BFAR: variants seen among roughly 807,000 people sequenced by gnomAD.
The protein encoded by BFAR is RING finger protein 47.
Under a neutral mutation model 54.4 loss-of-function variants are expected in BFAR, and 52 were observed. The observed-to-expected ratio is 0.96, with a 90% CI of 0.77 to 1.21. BFAR has a LOEUF of 1.21. BFAR is among the 50% of genes most tolerant of loss of function. The pLI is 0.00. For missense variants in BFAR, 571 were observed against 534.0 expected, an observed-to-expected ratio of 1.07 and a Z score of -0.68; for synonymous variants, 215 against 204.3, an observed-to-expected ratio of 1.05 and a Z score of -0.45.
intron 1 of BFAR, among the ~76,000 whole-genome samples, chr16:14,640,402 C>T (rs545655911): frequency 5.9e-5 from 9 of 152,000 alleles, no homozygotes; most frequent in African/African-American, 1.9e-4. Flanking sequence ...TTCCTCTGCT[C>T]GAGCTGATCT....
At chr16:14,665,414 A>C (rs1960415175) in intron 7 of BFAR, among the ~76,000 whole-genome samples, 1 of 152,212 alleles carries the variant, frequency 6.6e-6, no homozygotes, top group African/African-American at 2.4e-5. Flanking sequence ...GGCCTGTGCA[A>C]ACCTATCCCC....
chr16:14,649,665 T>C, intron 3 of BFAR, 139 bp from the exon 4 acceptor site: 1 of 699,778 alleles, frequency 1.4e-6, no homozygotes, highest in Non-Finnish European at 2.2e-6. Flanking sequence ...GCCCTGCTTT[T>C]GTTGCCCTGC....
At chr16:14,650,393 G>A (rs562513512) in intron 4 of BFAR, 1 of 154,274 alleles carries the variant, frequency 6.5e-6, no homozygotes, top group Non-Finnish European at 1.4e-5. Flanking sequence ...ACAATCCATG[G>A]TTTTTAATGT....
chr16:14,640,196 G>C lies in BFAR; in HGVS notation c.-73-4078G>C, dbSNP rs2151835372. Among the ~76,000 whole-genome samples the C allele has an allele frequency of 2.6e-5, 4 of 151,852 alleles. No homozygotes were observed. In the South Asian group the frequency reaches 8.3e-4, roughly 32 times the overall value. ...AGAGAGAGAGAGAGGAAAGCTCGAA[G>C]CTGACAGAACTCCAAAAGCTAACTA... On this transcript the variant is annotated intron_variant, in intron 1 of 7. Coordinates refer to ENST00000261658, the MANE Select transcript of BFAR (RefSeq NM_016561.3).
chr16:14,654,952 G>A (rs1280046316), intron 4 of BFAR, 114 bp from the exon 5 acceptor site: 17 of 1,118,388 alleles, frequency 1.5e-5, no homozygotes, highest in Non-Finnish European at 2.0e-5. Flanking sequence ...AATGTGAAAT[G>A]TCTCACCATA....
intron 1 of BFAR, among the ~76,000 whole-genome samples, chr16:14,640,868 A>G (rs114071108): frequency 9.0e-4 from 137 of 152,268 alleles, no homozygotes; most frequent in African/African-American, 2.9e-3. Context: ...ACCATACACA[A>G]ACGCAAGCGT....
intron 4 of BFAR, chr16:14,650,209 A>G (rs1184582632): frequency 5.6e-6 from 2 of 357,776 alleles, no homozygotes; most frequent in Non-Finnish European, 1.0e-5. Context: ...CACACCTTGT[A>G]ATCCCATCTA....
At chr16:14,664,454 G>A (rs1960381999) in intron 6 of BFAR, among the ~76,000 whole-genome samples, 2 of 150,328 alleles carry the variant, frequency 1.3e-5, no homozygotes, top group Admixed American at 6.7e-5. Context: ...ATTTTAGATT[G>A]TTGGATGTGT....
chr16:14,635,654 A>G (rs1959409737), intron 1 of BFAR, among the ~76,000 whole-genome samples: 1 of 152,144 alleles, frequency 6.6e-6, no homozygotes, highest in Non-Finnish European at 1.5e-5. Context: ...TAGAGGAGCT[A>G]GTCACCTTTG....
rs909972805 is a variant in BFAR, at chr16:14,656,759, C to T, written c.783+1549C>T. ...GAACAAGTTGAATAAACAAGGCACA[C>T]CCATGTAGGCAGCCACCGGAAAAGG... On this transcript the variant is annotated intron_variant, in intron 5 of 7. Transcript: ENST00000261658. 4.6e-5 allele frequency among the ~76,000 whole-genome samples: 7 copies of T among 152,164 alleles called. No individual in the cohort carries two copies. The South Asian group carries it at 1.5e-3, about 32-fold the overall frequency.
rs746034365 is a variant in BFAR, at chr16:14,644,655, G to A, written c.263+46G>A. 3.0e-5 allele frequency: 47 copies of A among 1,552,136 alleles called. No individual in the cohort carries two copies. In the East Asian group the frequency reaches 1.0e-3, roughly 33 times the overall value. On this transcript the variant is annotated intron_variant, in intron 2 of 7. Transcript: ENST00000261658. ...GTAGCACAAACAGCCCATAAAATGT[G>A]GTTTCTCTCTTGCTTTTTTTTTTTT...
intron 5 of BFAR, among the ~76,000 whole-genome samples, chr16:14,657,139 G>T (rs1244755169): frequency 2.0e-5 from 3 of 152,052 alleles, no homozygotes; most frequent in Non-Finnish European, 4.4e-5. Context: ...TCTGTAATAT[G>T]TGCGTGTATT....
chr16:14,655,145 C>T lies in BFAR; in HGVS notation c.718C>T (p.Leu240Phe). ...IENSSHRRAI[L>F]MELERVKALG... ...AAACAGCAGCCACAGGAGAGCCATCCTCATGGAGCTAGAACGTGTCAAAGC... is the reference window on the plus strand; with the variant it reads ...AAACAGCAGCCACAGGAGAGCCATCTTCATGGAGCTAGAACGTGTCAAAGC... The change falls in exon 5 of 8, where the codon CTC (leucine) becomes TTC (phenylalanine). Residue 240 changes from leucine to phenylalanine, a missense_variant. Transcript: ENST00000261658. 1 of 1,612,168 alleles carries T rather than the reference C, an allele frequency of 6.2e-7. No individual in the cohort carries two copies. The highest frequency in any genetic ancestry group is 1.3e-5 in the African/African-American group (1 of 74,884).
At chr16:14,637,713 C>T (rs1008210757) in intron 1 of BFAR, among the ~76,000 whole-genome samples, 17 of 151,938 alleles carry the variant, frequency 1.1e-4, no homozygotes, top group African/African-American at 3.9e-4. Flanking sequence ...CTTGTAATCC[C>T]AGCTACTCGG....
intron 5 of BFAR, among the ~76,000 whole-genome samples, chr16:14,658,580 A>T (rs538749587): frequency 6.6e-6 from 1 of 152,040 alleles, no homozygotes; most frequent in African/African-American, 2.4e-5. Flanking sequence ...AATACAAAAA[A>T]AAATTAGCTG....
At chr16:14,634,253 A>T (rs1344328363) in intron 1 of BFAR, among the ~76,000 whole-genome samples, 1 of 152,142 alleles carries the variant, frequency 6.6e-6, no homozygotes, top group Non-Finnish European at 1.5e-5. Context: ...GCACGTGCTG[A>T]TGGGGTTGTT....
At chr16:14,647,456 G>A (rs994869264) in intron 2 of BFAR, among the ~76,000 whole-genome samples, 1 of 152,024 alleles carries the variant, frequency 6.6e-6, no homozygotes, top group Non-Finnish European at 1.5e-5. Flanking sequence ...AGTACCTTGG[G>A]AGGACCGAGG....
chr16:14,649,652 G>A (rs1305535078), intron 3 of BFAR, 152 bp from the exon 4 acceptor site: 4 of 612,410 alleles, frequency 6.5e-6, no homozygotes, highest in Admixed American at 3.4e-5. Flanking sequence ...TGGCCGTGGC[G>A]TTGCCCTGCT....
rs903501417 is a variant in BFAR, at chr16:14,667,875, C to A, written c.*48C>A. The A allele has an allele frequency of 1.3e-6, 2 of 1,563,044 alleles. No individual in the cohort carries two copies. The highest frequency in any genetic ancestry group is 1.4e-5 in the African/African-American group (1 of 73,548). ...TCTTCAAGTCCCGCTGACGTCTGAG[C>A]TTTGATGCTTAAGAGGGGTGAGGCA... On this transcript the variant is annotated 3_prime_UTR_variant, in exon 8 of 8. Transcript: ENST00000261658.
Sources: gnomAD v4.1 joint callset for allele counts (sites outside exome capture counted in the v4.1 genomes callset) on GRCh38, gnomAD v4.1.1 for gene constraint, MANE v1.5 for transcripts, NCBI Gene and HGNC (gene_info 2026-07-23, HGNC 2026-07-21) for gene names.